The following NRXN1 variants were observed in gnomAD, a reference collection of about 807,000 sequenced individuals.
NRXN1 encodes neurexin 1.
Under a neutral mutation model 150.9 loss-of-function variants are expected in NRXN1, and 39 were observed. That is an observed-to-expected ratio of 0.26 (90% CI 0.20 to 0.34). NRXN1 has a LOEUF of 0.34. NRXN1 is among the 10% of genes least tolerant of loss of function. The pLI is 1.00. For synonymous variants in NRXN1, 924 were observed against 757.0 expected, an observed-to-expected ratio of 1.22 and a Z score of -3.62; for missense variants, 1,815 against 1,949.9, an observed-to-expected ratio of 0.93 and a Z score of 1.30.
chr2:50,743,896 A>C (rs748533111), intron 5 of NRXN1, among the ~76,000 whole-genome samples: 11 of 152,188 alleles, frequency 7.2e-5, no homozygotes, highest in Non-Finnish European at 1.6e-4. Flanking sequence ...ATGGAAACAG[A>C]AAGTTTCCTC....
At chr2:50,736,209 C>T (rs1187427880) in intron 5 of NRXN1, among the ~76,000 whole-genome samples, 1 of 152,172 alleles carries the variant, frequency 6.6e-6, no homozygotes, top group Non-Finnish European at 1.5e-5. Flanking sequence ...GTTTCCTCTA[C>T]ATAACATCCT....
intron 18 of NRXN1, among the ~76,000 whole-genome samples, chr2:50,106,947 G>C (rs1484672692): frequency 6.6e-6 from 1 of 151,894 alleles, no homozygotes; most frequent in Non-Finnish European, 1.5e-5. Flanking sequence ...TTACTCTGTT[G>C]ACATTGGCAC....
intron 5 of NRXN1, among the ~76,000 whole-genome samples, chr2:50,748,419 C>T (rs376158967): frequency 1.3e-5 from 2 of 152,194 alleles, no homozygotes; most frequent in African/African-American, 2.4e-5. Flanking sequence ...ACCAAATAAC[C>T]ATTGAAGAAT....
At chr2:50,030,023 T>A (rs1459424884) in intron 21 of NRXN1, among the ~76,000 whole-genome samples, 1 of 152,168 alleles carries the variant, frequency 6.6e-6, no homozygotes, top group Non-Finnish European at 1.5e-5. Context: ...AGCAGGCATT[T>A]AAAATGTCTG....
chr2:50,338,709 A>G (rs886294813), intron 17 of NRXN1, among the ~76,000 whole-genome samples: 25 of 81,080 alleles, frequency 3.1e-4, no homozygotes, highest in African/African-American at 7.9e-4. Flanking sequence ...TAGAAAGAGA[A>G]AAAAAAAAAA....
At chr2:50,546,436 C>G (rs1375985242) in intron 9 of NRXN1, among the ~76,000 whole-genome samples, 1 of 152,176 alleles carries the variant, frequency 6.6e-6, no homozygotes, top group African/African-American at 2.4e-5. Context: ...TGCTCTGAAT[C>G]TTTGCTTATG....
intron 5 of NRXN1, among the ~76,000 whole-genome samples, chr2:50,847,009 A>G (rs747281360): frequency 1.3e-4 from 20 of 152,164 alleles, no homozygotes; most frequent in Non-Finnish European, 2.1e-4. Flanking sequence ...ACTGGGAGAA[A>G]CTTAGTAAGA....
chr2:50,911,208 T>C (rs917241080), intron 5 of NRXN1, among the ~76,000 whole-genome samples: 2 of 151,632 alleles, frequency 1.3e-5, no homozygotes, highest in African/African-American at 4.8e-5. Flanking sequence ...CAGGCTGCTG[T>C]CATTACTCTT....
At chr2:50,272,467 C>G (rs186050371) in intron 17 of NRXN1, among the ~76,000 whole-genome samples, 2 of 151,924 alleles carry the variant, frequency 1.3e-5, no homozygotes, top group Non-Finnish European at 2.9e-5. Context: ...AAAAAAGTGG[C>G]AAACAGAAAA....
rs970529262 is a variant in NRXN1, at chr2:50,377,201, G to A, written c.3364+88241C>T. ...CTGCACCTATCAACCCATCACCTAGGTATTAAGCCTCCCACACATTAGCTA... is the reference window on the plus strand; with the variant it reads ...CTGCACCTATCAACCCATCACCTAGATATTAAGCCTCCCACACATTAGCTA... On this transcript the variant is annotated intron_variant, in intron 17 of 22. Transcript: ENST00000401669. 2.6e-5 allele frequency among the ~76,000 whole-genome samples: 4 copies of A among 152,076 alleles called. No individual in the cohort carries two copies. In the South Asian group the frequency reaches 6.2e-4, roughly 24 times the overall value.
At chr2:50,378,374 T>C (rs1248790754) in intron 17 of NRXN1, among the ~76,000 whole-genome samples, 1 of 152,154 alleles carries the variant, frequency 6.6e-6, no homozygotes, top group East Asian at 1.9e-4. Flanking sequence ...ATGCATTCAA[T>C]GCACTTGATC....
intron 5 of NRXN1, among the ~76,000 whole-genome samples, chr2:50,717,475 T>C (rs1215580536): frequency 6.6e-6 from 1 of 152,158 alleles, no homozygotes; most frequent in East Asian, 1.9e-4. Flanking sequence ...TTTACCATGA[T>C]TTTCAGTAAC....
intron 5 of NRXN1, among the ~76,000 whole-genome samples, chr2:50,877,654 T>C (rs956358521): frequency 2.6e-5 from 4 of 151,962 alleles, no homozygotes; most frequent in African/African-American, 9.7e-5. Flanking sequence ...ACAAGCAATA[T>C]AATCACTTGA....
chr2:50,789,776 T>G (rs1705674055), intron 5 of NRXN1, among the ~76,000 whole-genome samples: 1 of 152,146 alleles, frequency 6.6e-6, no homozygotes, highest in Admixed American at 6.5e-5. Flanking sequence ...AGCATTCACT[T>G]GAGATACTCA....
At chr2:50,762,102 C>CATAT (rs957256549) in intron 5 of NRXN1, among the ~76,000 whole-genome samples, 21 of 127,048 alleles carry the variant, frequency 1.7e-4, no homozygotes, top group Non-Finnish European at 1.8e-4. Context: ...TTAATAAACT[C>CATAT]ATATATATAT....
At chr2:50,485,176 C>T (rs2090776329) in intron 15 of NRXN1, among the ~76,000 whole-genome samples, 1 of 152,104 alleles carries the variant, frequency 6.6e-6, no homozygotes, top group Non-Finnish European at 1.5e-5. Flanking sequence ...AAAATAAATA[C>T]TAAAATTGAA....
intron 18 of NRXN1, among the ~76,000 whole-genome samples, chr2:50,092,796 G>A (rs751707146): frequency 6.6e-6 from 1 of 152,024 alleles, no homozygotes; most frequent in South Asian, 2.1e-4. Flanking sequence ...GTTTCTGTTG[G>A]TTTTCTTCCC....
chr2:50,059,996 C>G (rs1399749927), intron 19 of NRXN1, among the ~76,000 whole-genome samples: 3 of 152,190 alleles, frequency 2.0e-5, no homozygotes, highest in Non-Finnish European at 2.9e-5. Flanking sequence ...CACACAGAGT[C>G]TCCACTGGGG....
At position 50,896,434 on chromosome 2, in the gene NRXN1, T is replaced by A. The variant is rs1278168066; in HGVS notation, c.832+25435A>T. Among the ~76,000 whole-genome samples, 4 of 152,124 alleles carry A rather than the reference T, an allele frequency of 2.6e-5. No individual in the cohort carries two copies. The South Asian group carries it at 6.2e-4, about 24-fold the overall frequency. On this transcript the variant is annotated intron_variant, in intron 5 of 22. Coordinates refer to ENST00000401669, the MANE Select transcript of NRXN1 (RefSeq NM_001330078.2). ...AAACAAGGAAACAATCATTAAACTTTAAGTAATTCGTGTATATATTAGAAA... is the reference window on the plus strand; with the variant it reads ...AAACAAGGAAACAATCATTAAACTTAAAGTAATTCGTGTATATATTAGAAA...
Sources: allele counts gnomAD v4.1 joint callset (sites outside exome capture counted in the v4.1 genomes callset), GRCh38; gene constraint gnomAD v4.1.1; transcripts MANE v1.5; gene names NCBI Gene and HGNC (gene_info 2026-07-23, HGNC 2026-07-21).